SRGAP3: variants seen among roughly 807,000 people sequenced by gnomAD.
SRGAP3 encodes the protein SLIT-ROBO Rho GTPase-activating protein 3.
In SRGAP3, 39 loss-of-function variants were observed where a neutral mutation model predicts 121.1. That is an observed-to-expected ratio of 0.32 (90% confidence interval 0.25 to 0.42). The LOEUF (loss-of-function observed/expected upper bound fraction) is 0.42. Among genes scored for constraint, SRGAP3 ranks in the 10% least tolerant of loss-of-function variants. The pLI is 1.00. For synonymous variants in SRGAP3, 601 were observed against 570.0 expected, an observed-to-expected ratio of 1.05 and a Z score of -0.77; for missense variants, 1,213 against 1,470.6, an observed-to-expected ratio of 0.82 and a Z score of 2.86.
intron 3 of SRGAP3, among the ~76,000 whole-genome samples, chr3:9,286,118 AC>A (rs1481863207): frequency 7.9e-5 from 3 of 37,852 alleles, no homozygotes; most frequent in African/African-American, 4.5e-4. Flanking sequence ...TCTCAAACAC[AC>A]ACACACACAC....
chr3:9,361,436 G>A (rs1262663083), intron 1 of SRGAP3, among the ~76,000 whole-genome samples: 3 of 151,962 alleles, frequency 2.0e-5, no homozygotes, highest in Non-Finnish European at 4.4e-5. Context: ...GTTCTTTTTG[G>A]TTTTGTTTTG....
chr3:8,986,861 C>G lies in SRGAP3; in HGVS notation c.2887-929G>C, dbSNP rs1373904694. 9.8e-5 allele frequency among the ~76,000 whole-genome samples: 15 copies of G among 152,332 alleles called. No homozygotes were observed. In the East Asian group the frequency reaches 2.5e-3, roughly 26 times the overall value. Reference sequence around the variant, plus strand: ...CTCTGATTGAGCACTCTGAAGGACTCAGAGAGAGCGAGCCCCCTGCCACCC... The same window carrying G: ...CTCTGATTGAGCACTCTGAAGGACTGAGAGAGAGCGAGCCCCCTGCCACCC... On this transcript the variant is annotated intron_variant, in intron 21 of 21. Transcript: ENST00000383836.
In SRGAP3 at chr3:9,032,673, C is replaced by T. The variant is rs1383777918; in HGVS notation, c.1516G>A (p.Gly506Ser). Residue 506 changes from glycine to serine, a missense_variant, in exon 12 of 22, where the codon GGC (glycine) becomes AGC (serine). Transcript: ENST00000383836. ...LSVYSHKLFN[G>S]SMEAFIKDSG... ...ACCTTAATGAATGCTTCCATACTGC[C>T]GTTAAAGAGTTTATGGCTATACACT... 14 of 1,613,032 alleles carry T rather than the reference C, an allele frequency of 8.7e-6. No homozygotes were observed. The highest frequency in any genetic ancestry group is 1.7e-4 in the Middle Eastern group (1 of 6,054).
At chr3:9,012,708 G>A (rs532284995) in intron 17 of SRGAP3, among the ~76,000 whole-genome samples, 1 of 152,296 alleles carries the variant, frequency 6.6e-6, no homozygotes, top group East Asian at 1.9e-4. Context: ...TCACTCCCCT[G>A]CTTCCTGAGA....
chr3:9,058,710 CTCTCTTTT>C, intron 6 of SRGAP3: 1 of 448,158 alleles, frequency 2.2e-6, no homozygotes, highest in Non-Finnish European at 4.0e-6. Flanking sequence ...ATCTTTCTCT[CTCTCTTTT>C]TTTTTTTTTT....
intron 3 of SRGAP3, among the ~76,000 whole-genome samples, chr3:9,314,318 A>G (rs1407088056): frequency 6.6e-6 from 1 of 151,846 alleles, no homozygotes; most frequent in African/African-American, 2.4e-5. Flanking sequence ...CACTTTGGGA[A>G]GCCAAGCTGA....
At chr3:9,253,584 G>A (rs1016086906), upstream of SRGAP3, among the ~76,000 whole-genome samples, 8 of 152,210 alleles carry the variant, frequency 5.3e-5, no homozygotes, top group East Asian at 3.9e-4. Context: ...CCCCCTCGCC[G>A]AGATGACTAA....
At chr3:9,113,793 T>C (rs372937872) in intron 2 of SRGAP3, among the ~76,000 whole-genome samples, 1 of 152,188 alleles carries the variant, frequency 6.6e-6, no homozygotes, top group African/African-American at 2.4e-5. Flanking sequence ...CTGGGCACTC[T>C]TTCTCTCCCC....
chr3:9,230,937 T>C (rs1476344923), intron 1 of SRGAP3, among the ~76,000 whole-genome samples: 1 of 151,316 alleles, frequency 6.6e-6, no homozygotes. Context: ...AAAGCTGAGA[T>C]CGGTCCCCTG....
intron 9 of SRGAP3, chr3:9,049,421 C>G (rs979523117): frequency 2.2e-6 from 1 of 456,104 alleles, no homozygotes; most frequent in Non-Finnish European, 4.4e-6. Context: ...ACGTTTAAGC[C>G]TCATCAGAGT....
At chr3:9,001,769 C>G (rs1942783851) in intron 18 of SRGAP3, among the ~76,000 whole-genome samples, 1 of 152,044 alleles carries the variant, frequency 6.6e-6, no homozygotes, top group South Asian at 2.1e-4. Context: ...AATGACTATA[C>G]TAATATCGAT....
rs1278616823 is a variant in SRGAP3 at position 9,218,824 on chromosome 3, C to T, written c.67+30061G>A. Among the ~76,000 whole-genome samples the T allele has an allele frequency of 6.6e-6, 1 of 151,828 alleles. No homozygotes were observed. Among genetic ancestry groups the T allele is most frequent in the Non-Finnish European group, 1.5e-5 (1 of 67,946 alleles). ...AGTAGCTGGGAATACAGGTGTGAAC[C>T]ACCACACCTGGCTAATTTTTGTATT... On this transcript the variant is annotated intron_variant, in intron 1 of 21. Transcript: ENST00000383836. The surrounding 1 kb of genome is among the most constrained non-coding windows in gnomAD (Gnocchi z 5.3).
At position 9,013,494 on chromosome 3, in the gene SRGAP3, T is replaced by A. The variant is rs749043525; in HGVS notation, c.1961A>T (p.Asn654Ile). The A allele has an allele frequency of 6.2e-7, 1 of 1,613,810 alleles. No homozygotes were observed. Among genetic ancestry groups the A allele is most frequent in the Middle Eastern group, 1.6e-4 (1 of 6,062 alleles). The change falls in exon 17 of 22, where the codon AAC becomes ATC. Residue 654 changes from asparagine (N) to isoleucine (I), a missense_variant. Around this residue, in one of 2 missense-constraint regions of SRGAP3, gnomAD observed 793 missense variants for 1,032.9 expected, o/e 0.77. Coordinates refer to ENST00000383836, the MANE Select transcript of SRGAP3 (RefSeq NM_014850.4). Reference sequence around the variant, plus strand: ...GGTAGGCCCGAAGCAGATGGCCAGGTTGTAGGGATCCATCATGTTCTCGTC... The same window carrying A: ...GGTAGGCCCGAAGCAGATGGCCAGGATGTAGGGATCCATCATGTTCTCGTC... The part of the protein sequence containing the change: ...YSDENMMDPY[N>I]LAICFGPTLM...
At chr3:9,010,828 T>C (rs1943331714) in intron 17 of SRGAP3, among the ~76,000 whole-genome samples, 1 of 152,182 alleles carries the variant, frequency 6.6e-6, no homozygotes, top group Admixed American at 6.5e-5. Context: ...GGAGGTAAGA[T>C]GAAGCTAACA....
intron 18 of SRGAP3, among the ~76,000 whole-genome samples, chr3:9,004,572 A>G (rs1942957521): frequency 6.6e-6 from 1 of 152,238 alleles, no homozygotes; most frequent in African/African-American, 2.4e-5. Context: ...AGAGATAGAC[A>G]TATTGGTCAG....
chr3:9,271,781 G>A (rs2125260903), intron 3 of SRGAP3, among the ~76,000 whole-genome samples: 1 of 152,340 alleles, frequency 6.6e-6, no homozygotes, highest in Middle Eastern at 3.4e-3. Context: ...AGAGGATGTA[G>A]CAAAGAAGCA....
chr3:9,258,576 G>C (rs1426320634), intron 3 of SRGAP3, among the ~76,000 whole-genome samples: 2 of 152,190 alleles, frequency 1.3e-5, no homozygotes. Flanking sequence ...AATATTTTGA[G>C]AGACAAAGAT....
intron 1 of SRGAP3, among the ~76,000 whole-genome samples, chr3:9,242,733 G>T (rs1026611230): frequency 6.6e-6 from 1 of 152,180 alleles, no homozygotes; most frequent in South Asian, 2.1e-4. Flanking sequence ...CACCCAAGCC[G>T]GAGTACAGTG....
At position 9,058,277 on chromosome 3, in the gene SRGAP3, C is replaced by G. The variant is rs1195734560; in HGVS notation, c.997G>C (p.Glu333Gln). ...NQVFCPPLKF[E>Q]FQPHMGDEVC... ...TCATCCCCCATGTGGGGCTGGAACT[C>G]GAACTTGAGTGGAGGGCAGAAGACT... Residue 333 changes from glutamate (E) to glutamine (Q), a missense_variant, in exon 7 of 22, where the codon GAG becomes CAG. Transcript: ENST00000383836. 6.8e-6 allele frequency: 11 copies of G among 1,614,220 alleles called. No individual in the cohort carries two copies. The highest frequency in any genetic ancestry group is 9.3e-6 in the Non-Finnish European group (11 of 1,180,042).
Sources: allele counts gnomAD v4.1 joint callset (sites outside exome capture counted in the v4.1 genomes callset), GRCh38; gene constraint gnomAD v4.1.1; regional missense constraint gnomAD v4.1.1; non-coding constraint Gnocchi (gnomAD v3.1); transcripts MANE v1.5; gene names NCBI Gene and HGNC (gene_info 2026-07-23, HGNC 2026-07-21).